CTIF: variants seen among roughly 807,000 people sequenced by gnomAD.
The protein encoded by CTIF is CBP80/20-dependent translation initiation factor.
CTIF carries 21 observed loss-of-function variants against 66.0 expected under a neutral mutation model. The ratio of observed to expected loss-of-function variants is 0.32; its 90% CI spans 0.23 to 0.46. CTIF has a LOEUF of 0.46. Ranked by LOEUF, CTIF falls within the 20% of genes least tolerant of loss-of-function variation. The pLI, the probability that CTIF is intolerant of heterozygous loss-of-function variation, is 1.00. For missense variants in CTIF, 739 were observed against 812.7 expected, an observed-to-expected ratio of 0.91 and a Z score of 1.10; for synonymous variants, 345 against 326.4, an observed-to-expected ratio of 1.06 and a Z score of -0.62.
Position 48,775,588 on chromosome 18 carries a change from A to G in CTIF, c.1371+13899A>G, listed in dbSNP as rs1259339273. On this transcript the variant is annotated intron_variant, in intron 9 of 11. Coordinates refer to ENST00000256413, the MANE Select transcript of CTIF (RefSeq NM_014772.3). ...CCCCACAGGGTTCCCTGAGCTCAGT[A>G]CTGTGAAACCCCAGTGAAACAGGCA... Among the ~76,000 whole-genome samples, 3 of 152,252 alleles carry G rather than the reference A, an allele frequency of 2.0e-5. No individual in the cohort carries two copies. The East Asian group carries it at 5.8e-4, about 29-fold the overall frequency.
intron 1 of CTIF, among the ~76,000 whole-genome samples, chr18:48,606,597 G>T (rs979155362): frequency 6.6e-6 from 1 of 152,234 alleles, no homozygotes; most frequent in African/African-American, 2.4e-5. Flanking sequence ...CCCTGGACAG[G>T]ACCCAAAGGC....
Position 48,859,612 on chromosome 18 carries a change from G to C in CTIF, c.*53G>C. The C allele has an allele frequency of 6.5e-7, 1 of 1,538,596 alleles. No individual in the cohort carries two copies. The highest frequency in any genetic ancestry group is 1.4e-5 in the African/African-American group (1 of 73,426). ...CGGGCAGCTGGGGCCCTGGTGCACA[G>C]GGCCAGATGGACAGGCGGGAGGACA... is the stretch of plus-strand genomic sequence containing the variant. On this transcript the variant is annotated 3_prime_UTR_variant, in exon 12 of 12. Coordinates refer to ENST00000256413, the MANE Select transcript of CTIF (RefSeq NM_014772.3).
intron 7 of CTIF, among the ~76,000 whole-genome samples, chr18:48,744,822 CT>C (rs1331272849): frequency 1.1e-3 from 152 of 141,340 alleles, no homozygotes; most frequent in Middle Eastern, 3.9e-3. Flanking sequence ...CTTTCTTCTT[CT>C]TTTTTTTTTT....
chr18:48,587,552 G>A (rs1237739016), intron 1 of CTIF, among the ~76,000 whole-genome samples: 2 of 152,152 alleles, frequency 1.3e-5, no homozygotes, highest in Non-Finnish European at 2.9e-5. Context: ...GGCCTGGGAG[G>A]GAGTTCAGAG....
At chr18:48,617,028 T>C (rs1332883971) in intron 1 of CTIF, among the ~76,000 whole-genome samples, 3 of 152,264 alleles carry the variant, frequency 2.0e-5, no homozygotes, top group African/African-American at 7.2e-5. Flanking sequence ...CAGCGTCTCA[T>C]GAGACTGAAG....
At chr18:48,702,789 C>G (rs752606865) in intron 6 of CTIF, among the ~76,000 whole-genome samples, 1 of 152,190 alleles carries the variant, frequency 6.6e-6, no homozygotes, top group Non-Finnish European at 1.5e-5. Flanking sequence ...GTCAACTTCT[C>G]TGAATAGCTG....
chr18:48,541,389 C>G (rs893743404), intron 1 of CTIF, among the ~76,000 whole-genome samples: 1 of 152,200 alleles, frequency 6.6e-6, no homozygotes, highest in Non-Finnish European at 1.5e-5. Context: ...AGAGCGCCGC[C>G]GCTGCTGGAG....
Position 48,758,331 on chromosome 18 carries a change from C to G in CTIF, c.997C>G (p.Arg333Gly). The change falls in exon 8 of 12, where the codon CGC becomes GGC. Residue 333 changes from arginine (R) to glycine (G), a missense_variant. This residue lies in a region of CTIF where 529 missense variants were observed against 520.3 expected (regional missense o/e 1.02). Transcript: ENST00000256413. Reference protein sequence around the residue: ...TKRKDSILPERIGERPKITLL... With the variant: ...TKRKDSILPEGIGERPKITLL... ...ACGTAAAGACAGTATTCTTCCCGAG[C>G]GCATCGGGGAGCGGCCCAAAATTAC... 3.1e-6 allele frequency: 5 copies of G among 1,612,550 alleles called. No homozygotes were observed. Among genetic ancestry groups the G allele is most frequent in the Non-Finnish European group, 4.2e-6 (5 of 1,179,784 alleles).
At chr18:48,743,383 T>C (rs1210647371) in intron 7 of CTIF, among the ~76,000 whole-genome samples, 2 of 152,244 alleles carry the variant, frequency 1.3e-5, no homozygotes, top group African/African-American at 2.4e-5. Context: ...ATCAAACCAG[T>C]TGACTTTCAT....
At chr18:48,561,528 G>A (rs1479387558) in intron 1 of CTIF, among the ~76,000 whole-genome samples, 1 of 152,184 alleles carries the variant, frequency 6.6e-6, no homozygotes, top group Non-Finnish European at 1.5e-5. Context: ...AAACTCCACT[G>A]TGGCAAGACC....
chr18:48,845,703 C>G (rs969219145), intron 10 of CTIF, among the ~76,000 whole-genome samples: 4 of 152,238 alleles, frequency 2.6e-5, no homozygotes, highest in Middle Eastern at 3.4e-3. Context: ...CCCCAAGGAC[C>G]CTGGACTCAG....
intron 1 of CTIF, chr18:48,540,402 G>A (rs1232986347): frequency 6.6e-6 from 1 of 152,022 alleles, no homozygotes; most frequent in South Asian, 2.1e-4. Context: ...GGGCTGCGGC[G>A]AAGGTCTGGG....
chr18:48,836,734 AACAACCAG>A (rs1202304057), intron 10 of CTIF, among the ~76,000 whole-genome samples: 10 of 152,352 alleles, frequency 6.6e-5, no homozygotes, highest in Admixed American at 2.6e-4. Flanking sequence ...CTGGTGCAGG[AACAACCAG>A]CTAGGAGTCA....
chr18:48,602,015 C>T (rs1426445783), intron 1 of CTIF, among the ~76,000 whole-genome samples: 3 of 152,216 alleles, frequency 2.0e-5, no homozygotes, highest in African/African-American at 7.2e-5. Context: ...TTTCTTAAAT[C>T]AGGCTGCATC....
chr18:48,613,124 CT>C (rs1158421187), intron 1 of CTIF, among the ~76,000 whole-genome samples: 2 of 152,128 alleles, frequency 1.3e-5, no homozygotes, highest in Non-Finnish European at 2.9e-5. Context: ...GGTAATGCCC[CT>C]AATGCCTCGC....
chr18:48,626,409 A>G (rs1048222302), intron 2 of CTIF, among the ~76,000 whole-genome samples: 1 of 151,502 alleles, frequency 6.6e-6, no homozygotes, highest in African/African-American at 2.4e-5. Context: ...TTGCCATGGC[A>G]TGCTCTCGGC....
At chr18:48,778,446 T>G (rs1328653405) in intron 9 of CTIF, among the ~76,000 whole-genome samples, 1 of 152,224 alleles carries the variant, frequency 6.6e-6, no homozygotes, top group East Asian at 1.9e-4. Context: ...GCCACAGGCA[T>G]TCCCTTTTGG....
chr18:48,841,301 A>C (rs2068935909), intron 10 of CTIF, among the ~76,000 whole-genome samples: 1 of 152,100 alleles, frequency 6.6e-6, no homozygotes, highest in Non-Finnish European at 1.5e-5. Flanking sequence ...GGCTCTGGGC[A>C]TGGGGAGGCC....
intron 7 of CTIF, among the ~76,000 whole-genome samples, chr18:48,726,179 C>T (rs79483443): frequency 0.024 from 3,648 of 152,218 alleles, 49 homozygotes; most frequent in Middle Eastern, 0.071. Context: ...CACACATGTT[C>T]GGTTTATGTT....
Sources: allele counts gnomAD v4.1 joint callset (sites outside exome capture counted in the v4.1 genomes callset), GRCh38; gene constraint gnomAD v4.1.1; regional missense constraint gnomAD v4.1.1; transcripts MANE v1.5; gene names NCBI Gene and HGNC (gene_info 2026-07-23, HGNC 2026-07-21).